Variants in CACNG1 observed in about 807,000 individuals in gnomAD.
CACNG1 encodes the protein calcium voltage-gated channel auxiliary subunit gamma 1.
In CACNG1, 21 loss-of-function variants were observed where a neutral mutation model predicts 22.0. The observed-to-expected ratio is 0.95, with a 90% CI of 0.68 to 1.37. CACNG1 has a LOEUF of 1.37. CACNG1 is among the 40% of genes most tolerant of loss of function. CACNG1 has a pLI of 0.00. For missense variants in CACNG1, 291 were observed against 308.6 expected (o/e 0.94, Z 0.43); for synonymous variants, 127 against 129.2 (o/e 0.98, Z 0.12).
At chr17:67,049,428 C>T (rs921494885) in intron 1 of CACNG1, among the ~76,000 whole-genome samples, 1 of 152,332 alleles carries the variant, frequency 6.6e-6, no homozygotes, top group Non-Finnish European at 1.5e-5. Context: ...CAGACCCTAA[C>T]ATTCACCGTT....
chr17:67,049,915 C>T (rs996936177), intron 1 of CACNG1, among the ~76,000 whole-genome samples: 5 of 152,188 alleles, frequency 3.3e-5, no homozygotes, highest in African/African-American at 1.2e-4. Flanking sequence ...CCAAATTAGA[C>T]AGTCTTAGAC....
intron 1 of CACNG1, among the ~76,000 whole-genome samples, chr17:67,050,145 G>A (rs2035720220): frequency 6.6e-6 from 1 of 152,234 alleles, no homozygotes; most frequent in African/African-American, 2.4e-5. Context: ...TTGCCCCAGG[G>A]CCCACTTTGC....
At chr17:67,045,555 C>G (rs1373438516) in intron 1 of CACNG1, among the ~76,000 whole-genome samples, 1 of 124,586 alleles carries the variant, frequency 8.0e-6, no homozygotes, top group Non-Finnish European at 1.6e-5. Context: ...TTTGAGACAA[C>G]TTTGTCGCTC....
rs1352564202 is a variant in CACNG1 at position 67,054,751 on chromosome 17, C to A, written c.305-352C>A. On this transcript the variant is annotated intron_variant, in intron 2 of 3. Coordinates refer to ENST00000226021, the MANE Select transcript of CACNG1 (RefSeq NM_000727.4). This position sits in a 1 kb window ranked among gnomAD's most constrained non-coding sequence, Gnocchi z 4.6. ...ACACAGACACACACTGATACACATG[C>A]ATGATGACACACAAAATGACACACA... 6.6e-6 allele frequency among the ~76,000 whole-genome samples: 1 copy of A among 150,848 alleles called. No homozygotes were observed. Among genetic ancestry groups the A allele is most frequent in the Non-Finnish European group, 1.5e-5 (1 of 67,764 alleles).
intron 1 of CACNG1, among the ~76,000 whole-genome samples, chr17:67,051,181 C>T (rs879551779): frequency 1.3e-5 from 2 of 152,182 alleles, no homozygotes; most frequent in African/African-American, 2.4e-5. Flanking sequence ...TTCCTCTTTA[C>T]GTTGCCCTGG....
chr17:67,047,786 A>G (rs930495923), intron 1 of CACNG1, among the ~76,000 whole-genome samples: 1 of 152,130 alleles, frequency 6.6e-6, no homozygotes. Context: ...AAGCTCCAAC[A>G]TATTCCTGGG....
chr17:67,046,319 G>T (rs1006026351), intron 1 of CACNG1, among the ~76,000 whole-genome samples: 1 of 152,128 alleles, frequency 6.6e-6, no homozygotes, highest in Non-Finnish European at 1.5e-5. Context: ...ATCAGACTAG[G>T]TGTTCCTTGA....
In CACNG1 at chr17:67,056,078, G is replaced by T; in HGVS notation, c.476G>T (p.Arg159Leu). The T allele has an allele frequency of 6.2e-7, 1 of 1,611,744 alleles. No homozygotes were observed. The highest frequency in any genetic ancestry group is 8.5e-7 in the Non-Finnish European group (1 of 1,179,626). Residue 159 changes from arginine to leucine, a missense_variant, in exon 4 of 4, where the codon CGG becomes CTG. Arg to Leu is a moderately radical substitution (Grantham distance 102, BLOSUM62 -2). Coordinates refer to ENST00000226021, the MANE Select transcript of CACNG1 (RefSeq NM_000727.4). This position sits in a 1 kb window ranked among gnomAD's most constrained non-coding sequence, Gnocchi z 4.3. ...LCILVSVEVMRQSVKRMIDSE... is the reference protein window; with the variant it reads ...LCILVSVEVMLQSVKRMIDSE... ...ATCCTCGTCTCGGTGGAGGTCATGC[G>T]GCAGTCGGTGAAGCGCATGATTGAC...
chr17:67,048,087 T>G (rs2035707131), intron 1 of CACNG1, among the ~76,000 whole-genome samples: 1 of 152,072 alleles, frequency 6.6e-6, no homozygotes, highest in South Asian at 2.1e-4. Flanking sequence ...TACTTTACCA[T>G]CTTAGTTCAA....
intron 1 of CACNG1, among the ~76,000 whole-genome samples, chr17:67,052,427 G>C (rs1415008981): frequency 6.6e-6 from 1 of 152,156 alleles, no homozygotes; most frequent in Non-Finnish European, 1.5e-5. Flanking sequence ...GGTGCAAGAA[G>C]AATGATTTAG....
chr17:67,046,701 G>A (rs1376297169), intron 1 of CACNG1, among the ~76,000 whole-genome samples: 17 of 152,112 alleles, frequency 1.1e-4, no homozygotes, highest in Admixed American at 9.8e-4. Flanking sequence ...GCTTCTTCAG[G>A]GACCACACAT....
intron 1 of CACNG1, among the ~76,000 whole-genome samples, chr17:67,045,805 G>A (rs1209600992): frequency 6.6e-6 from 1 of 152,114 alleles, no homozygotes; most frequent in Non-Finnish European, 1.5e-5. Context: ...TTACAGACGT[G>A]AGCCACCATG....
At chr17:67,045,735 C>A (rs1338330553) in intron 1 of CACNG1, among the ~76,000 whole-genome samples, 1 of 152,056 alleles carries the variant, frequency 6.6e-6, no homozygotes, top group Non-Finnish European at 1.5e-5. Flanking sequence ...GTTGGTCAGG[C>A]TGGTCTCGAA....
At chr17:67,045,789 C>T (rs527842279) in intron 1 of CACNG1, among the ~76,000 whole-genome samples, 177 of 152,158 alleles carry the variant, frequency 1.2e-3, no homozygotes, top group African/African-American at 4.2e-3. Flanking sequence ...TCCCAGAGTG[C>T]TGGGATTACA....
intron 1 of CACNG1, among the ~76,000 whole-genome samples, chr17:67,046,904 C>T (rs143859765): frequency 1.4e-3 from 211 of 152,344 alleles, no homozygotes; most frequent in South Asian, 6.4e-3. Flanking sequence ...TCTTTGCCTT[C>T]TTAGCCTAAC....
rs2035762373 is a variant in CACNG1 at position 67,056,370 on chromosome 17, C to T, written c.*99C>T. 2.9e-6 allele frequency: 3 copies of T among 1,028,144 alleles called. No homozygotes were observed. The highest frequency in any genetic ancestry group is 4.1e-5 in the Admixed American group (2 of 49,312). The allele number at this position is 1,028,144 out of a possible 1,614,324, so 63.7% of individuals were successfully genotyped here. ...GGAGGCGGGAGCAATTTTAGCCCCA[C>T]CCTGCTCCCATCTGCCCCCCTGCAA... On this transcript the variant is annotated 3_prime_UTR_variant, in exon 4 of 4. Coordinates refer to ENST00000226021, the MANE Select transcript of CACNG1 (RefSeq NM_000727.4). This position sits in a 1 kb window ranked among gnomAD's most constrained non-coding sequence, Gnocchi z 4.3.
intron 1 of CACNG1, among the ~76,000 whole-genome samples, chr17:67,051,200 T>G (rs138138073): frequency 6.6e-6 from 1 of 152,232 alleles, no homozygotes; most frequent in East Asian, 1.9e-4. Flanking sequence ...GGATGCTCAG[T>G]TTCCCAAATA....
At position 67,056,356 on chromosome 17, in the gene CACNG1, CA is replaced by C; in HGVS notation, c.*87del. ...GAACCTTCCAGAGAGGAGGCGGGAG[CA>C]ATTTTAGCCCCACCCTGCTCCCATC... is the stretch of plus-strand genomic sequence containing the variant. On this transcript the variant is annotated 3_prime_UTR_variant, in exon 4 of 4. Transcript: ENST00000226021. This position sits in a 1 kb window ranked among gnomAD's most constrained non-coding sequence, Gnocchi z 4.3. 1 of 1,204,814 alleles carries C rather than the reference CA, an allele frequency of 8.3e-7. No individual in the cohort carries two copies. The highest frequency in any genetic ancestry group is 1.2e-6 in the Non-Finnish European group (1 of 832,506). 74.6% of individuals were successfully genotyped at this position (1,204,814 alleles called of 1,614,324 possible). A position where few individuals can be genotyped will look rare whatever the true frequency, so the allele number is the denominator to read the frequency against.
intron 1 of CACNG1, among the ~76,000 whole-genome samples, chr17:67,045,986 T>C (rs761277722): frequency 6.6e-6 from 1 of 152,130 alleles, no homozygotes; most frequent in Non-Finnish European, 1.5e-5. Context: ...TTTTCAGGAG[T>C]ACCTGGTAGT....
Sources: allele counts gnomAD v4.1 joint callset (sites outside exome capture counted in the v4.1 genomes callset), GRCh38; gene constraint gnomAD v4.1.1; non-coding constraint Gnocchi (gnomAD v3.1); transcripts MANE v1.5; gene names NCBI Gene and HGNC (gene_info 2026-07-23, HGNC 2026-07-21).